MALRD1: variants seen among roughly 807,000 people sequenced by gnomAD.
MALRD1 encodes MAM and LDL-receptor class A domain-containing protein 1.
A neutral mutation model predicts 242.1 loss-of-function variants in MALRD1; 247 were observed. The observed-to-expected ratio is 1.02, with a 90% CI of 0.92 to 1.13. The LOEUF (loss-of-function observed/expected upper bound fraction) is 1.13, where lower values mean the gene tolerates loss of function less well. MALRD1 is among the 50% of genes most tolerant of loss of function. The pLI is 0.00. For synonymous variants in MALRD1, 995 were observed against 866.6 expected (o/e 1.15, Z -2.60); for missense variants, 2,989 against 2,533.1 (o/e 1.18, Z -3.86).
At chr10:19,630,997 A>G (rs1235348802) in intron 36 of MALRD1, among the ~76,000 whole-genome samples, 1 of 152,188 alleles carries the variant, frequency 6.6e-6, no homozygotes, top group East Asian at 1.9e-4. Flanking sequence ...GCCCTTTGAA[A>G]AACTTTTATT....
intron 15 of MALRD1, 22 bp from the exon 16 acceptor site, chr10:19,204,286 T>TTG (rs1554810202): frequency 7.0e-7 from 1 of 1,431,320 alleles, no homozygotes; most frequent in African/African-American, 1.5e-5. Context: ...GAAGCGTTTT[T>TTG]TTTTTTTTTT....
At chr10:19,184,919 C>T (rs1367464757) in intron 14 of MALRD1, among the ~76,000 whole-genome samples, 1 of 152,256 alleles carries the variant, frequency 6.6e-6, no homozygotes, top group African/African-American at 2.4e-5. Flanking sequence ...AATAAACAAT[C>T]ATATCAACAA....
At chr10:19,560,384 C>G (rs1043954627) in intron 32 of MALRD1, among the ~76,000 whole-genome samples, 1 of 152,164 alleles carries the variant, frequency 6.6e-6, no homozygotes, top group African/African-American at 2.4e-5. Context: ...AGGAGAATCA[C>G]TTGAACCCAG....
intron 33 of MALRD1, among the ~76,000 whole-genome samples, chr10:19,587,030 A>C (rs1837458015): frequency 6.6e-6 from 1 of 152,172 alleles, no homozygotes; most frequent in South Asian, 2.1e-4. Flanking sequence ...TAGGAAAGGG[A>C]ACTCCCTGAC....
intron 28 of MALRD1, among the ~76,000 whole-genome samples, chr10:19,401,583 C>T (rs1354186037): frequency 6.6e-6 from 1 of 151,914 alleles, no homozygotes; most frequent in Non-Finnish European, 1.5e-5. Context: ...AACTTAGTTG[C>T]TAGATATTCA....
chr10:19,111,258 G>A (rs1346521951), intron 5 of MALRD1, among the ~76,000 whole-genome samples: 3 of 152,124 alleles, frequency 2.0e-5, no homozygotes, highest in Non-Finnish European at 4.4e-5. Flanking sequence ...ATTTCAGAAA[G>A]ATGAATATTC....
At chr10:19,487,474 T>A (rs10740909) in intron 29 of MALRD1, among the ~76,000 whole-genome samples, 103,469 of 150,648 alleles carry the variant, frequency 0.69, 35,814 homozygotes, top group East Asian at 0.89. Flanking sequence ...ATTCTATATT[T>A]TGAAAGAAAA....
At chr10:19,526,772 T>C (rs941349634) in intron 31 of MALRD1, among the ~76,000 whole-genome samples, 5 of 152,190 alleles carry the variant, frequency 3.3e-5, no homozygotes, top group Non-Finnish European at 7.4e-5. Context: ...TAGTGGATTA[T>C]CATTCCCAGT....
At chr10:19,557,598 T>C (rs1348703806) in intron 32 of MALRD1, among the ~76,000 whole-genome samples, 1 of 152,180 alleles carries the variant, frequency 6.6e-6, no homozygotes, top group Admixed American at 6.5e-5. Flanking sequence ...TGTGTGAGTC[T>C]GTTTCTGGGC....
At chr10:19,475,180 C>T (rs1237298549) in intron 29 of MALRD1, among the ~76,000 whole-genome samples, 4 of 152,148 alleles carry the variant, frequency 2.6e-5, no homozygotes, top group Non-Finnish European at 5.9e-5. Context: ...CTTTGGGAGG[C>T]CGAGGCGGGC....
chr10:19,166,893 G>A (rs1402477926), intron 13 of MALRD1, among the ~76,000 whole-genome samples: 1 of 152,144 alleles, frequency 6.6e-6, no homozygotes, highest in African/African-American at 2.4e-5. Flanking sequence ...CTGAGTTTTA[G>A]TCTCTGCTCT....
At chr10:19,129,684 A>G (rs976435001) in intron 8 of MALRD1, among the ~76,000 whole-genome samples, 1 of 151,312 alleles carries the variant, frequency 6.6e-6, no homozygotes, top group South Asian at 2.1e-4. Flanking sequence ...TTTGGGAACT[A>G]TCTGCCAGAA....
chr10:19,149,965 A>G (rs1402575440), intron 11 of MALRD1, among the ~76,000 whole-genome samples: 4 of 152,170 alleles, frequency 2.6e-5, no homozygotes, highest in Non-Finnish European at 2.9e-5. Context: ...CCTTCTTTCA[A>G]TTAGCATAAA....
chr10:19,119,662 T>G (rs961890920), intron 5 of MALRD1, among the ~76,000 whole-genome samples: 1 of 152,128 alleles, frequency 6.6e-6, no homozygotes, highest in Non-Finnish European at 1.5e-5. Context: ...TTAGAAGCAG[T>G]TTAGGGAGGG....
chr10:19,595,831 A>G (rs1838069203), intron 34 of MALRD1, among the ~76,000 whole-genome samples: 1 of 152,200 alleles, frequency 6.6e-6, no homozygotes, highest in Admixed American at 6.6e-5. Context: ...AGTAAAGGGC[A>G]TATTGATAGA....
chr10:19,274,998 C>T (rs1416058267), intron 19 of MALRD1, among the ~76,000 whole-genome samples: 12 of 151,974 alleles, frequency 7.9e-5, no homozygotes, highest in African/African-American at 1.9e-4. Flanking sequence ...AACTAGTATT[C>T]GGATAAGGGT....
At chr10:19,053,756 G>A (rs1159492353) in intron 1 of MALRD1, among the ~76,000 whole-genome samples, 2 of 151,324 alleles carry the variant, frequency 1.3e-5, no homozygotes, top group African/African-American at 2.4e-5. Context: ...TATTCCACAC[G>A]CAGTCTTTTT....
intron 32 of MALRD1, among the ~76,000 whole-genome samples, chr10:19,556,860 A>T (rs1176776832): frequency 6.6e-6 from 1 of 152,158 alleles, no homozygotes; most frequent in South Asian, 2.1e-4. Flanking sequence ...TGGCTATACC[A>T]GTTTGCATTC....
At chr10:19,125,698 T>G (rs1837263423) in intron 7 of MALRD1, among the ~76,000 whole-genome samples, 1 of 151,990 alleles carries the variant, frequency 6.6e-6, no homozygotes, top group Non-Finnish European at 1.5e-5. Flanking sequence ...CCTAAAGTGC[T>G]CTACTATTTC....
Sources: gnomAD v4.1 joint callset for allele counts (sites outside exome capture counted in the v4.1 genomes callset) on GRCh38, gnomAD v4.1.1 for gene constraint, MANE v1.5 for transcripts, NCBI Gene and HGNC (gene_info 2026-07-23, HGNC 2026-07-21) for gene names.